The following GUCY1A1 variants were observed in gnomAD, a reference collection of about 807,000 sequenced individuals.
GUCY1A1 encodes guanylate cyclase soluble subunit alpha-1.
A neutral mutation model predicts 64.5 loss-of-function variants in GUCY1A1; 48 were observed. The observed-to-expected ratio is 0.74, with a 90% CI of 0.59 to 0.95. The LOEUF (loss-of-function observed/expected upper bound fraction) is 0.95. GUCY1A1 is among the 40% of genes least tolerant of loss of function. The pLI, the probability that GUCY1A1 is intolerant of heterozygous loss-of-function variation, is 0.00. For missense variants in GUCY1A1, 804 were observed against 825.3 expected, an observed-to-expected ratio of 0.97 and a Z score of 0.32; for synonymous variants, 308 against 303.4, an observed-to-expected ratio of 1.02 and a Z score of -0.16.
At chr4:155,689,916 TC>T (rs1729515871) in intron 2 of GUCY1A1, among the ~76,000 whole-genome samples, 1 of 152,106 alleles carries the variant, frequency 6.6e-6, no homozygotes, top group African/African-American at 2.4e-5. Context: ...AAGGTAAGCA[TC>T]CTCCTCTTTA....
At chr4:155,703,891 T>C in intron 3 of GUCY1A1, 41 bp from the exon 4 acceptor site, 1 of 1,249,392 alleles carries the variant, frequency 8.0e-7, no homozygotes, top group Non-Finnish European at 1.2e-6. Context: ...AACAAATTAT[T>C]ATATAAGGGA....
chr4:155,718,419 G>A lies in GUCY1A1; in HGVS notation c.1716+1117G>A, dbSNP rs114813469. Among the ~76,000 whole-genome samples the A allele has an allele frequency of 8.9e-3, 1,355 of 152,092 alleles. 9 individuals are homozygous for A. Among genetic ancestry groups the A allele is most frequent in the Non-Finnish European group, 0.015 (992 of 67,992 alleles). On this transcript the variant is annotated intron_variant, in intron 8 of 9. Coordinates refer to ENST00000506455, the MANE Select transcript of GUCY1A1 (RefSeq NM_001130682.3). ...TGCAACATACTTTTCTAAATTTAAT[G>A]GTATAAAATCACAAACTTTTATTAT...
chr4:155,719,160 G>C (rs1254462952), intron 8 of GUCY1A1, among the ~76,000 whole-genome samples: 1 of 152,082 alleles, frequency 6.6e-6, no homozygotes, highest in Admixed American at 6.6e-5. Flanking sequence ...TTCTAAGTTG[G>C]AAGAATTATT....
chr4:155,676,129 G>C (rs1734882868), intron 2 of GUCY1A1, among the ~76,000 whole-genome samples: 1 of 145,248 alleles, frequency 6.9e-6, no homozygotes, highest in African/African-American at 2.6e-5. Flanking sequence ...TCAAGAGCAT[G>C]ACACTTGGAC....
chr4:155,706,230 G>T (rs1391410807), intron 4 of GUCY1A1, among the ~76,000 whole-genome samples: 1 of 152,122 alleles, frequency 6.6e-6, no homozygotes, highest in African/African-American at 2.4e-5. Flanking sequence ...TTCTTGATGA[G>T]AACTATTCAG....
At chr4:155,708,149 T>C (rs1732050775) in intron 4 of GUCY1A1, 87 bp from the exon 5 acceptor site, 2 of 743,818 alleles carry the variant, frequency 2.7e-6, no homozygotes, top group Non-Finnish European at 4.6e-6. Flanking sequence ...ATTTAAACTA[T>C]TTTCTATCAT....
chr4:155,695,826 C>T (rs1730337212), intron 2 of GUCY1A1, among the ~76,000 whole-genome samples: 1 of 152,018 alleles, frequency 6.6e-6, no homozygotes, highest in African/African-American at 2.4e-5. Flanking sequence ...TTTTTCTTCC[C>T]CAAGAGTAGG....
chr4:155,728,000 G>A (rs1723058251), intron 9 of GUCY1A1, among the ~76,000 whole-genome samples: 1 of 151,814 alleles, frequency 6.6e-6, no homozygotes, highest in Non-Finnish European at 1.5e-5. Context: ...AGGAAAATGG[G>A]TAGAGAGAGG....
In GUCY1A1 at chr4:155,730,539, T is replaced by C. The variant is rs1456666678; in HGVS notation, c.*308T>C. The C allele has an allele frequency of 2.1e-5, 4 of 190,328 alleles. No individual in the cohort carries two copies. The highest frequency in any genetic ancestry group is 2.3e-5 in the African/African-American group (1 of 42,700). The allele number at this position is 190,328 out of a possible 1,614,324, so 11.8% of individuals were successfully genotyped here. ...ACATATATCAGATAATTGTAGTCAA[T>C]TGTACAAACTGATGGAGTCACCTGC... On this transcript the variant is annotated 3_prime_UTR_variant, in exon 10 of 10. Coordinates refer to ENST00000506455, the MANE Select transcript of GUCY1A1 (RefSeq NM_001130682.3).
At chr4:155,700,919 A>G (rs1264483772) in intron 3 of GUCY1A1, among the ~76,000 whole-genome samples, 1 of 152,234 alleles carries the variant, frequency 6.6e-6, no homozygotes. Flanking sequence ...GAAACCAAAA[A>G]TTAATATATA....
intron 2 of GUCY1A1, among the ~76,000 whole-genome samples, chr4:155,676,030 A>C (rs966959890): frequency 2.0e-5 from 3 of 151,556 alleles, no homozygotes; most frequent in Admixed American, 2.0e-4. Flanking sequence ...GGAGTCAATA[A>C]GATGCCTGTT....
chr4:155,721,804 TG>T (rs896566032), intron 8 of GUCY1A1, among the ~76,000 whole-genome samples: 4 of 152,180 alleles, frequency 2.6e-5, no homozygotes, highest in Non-Finnish European at 5.9e-5. Context: ...ACAATTAAGA[TG>T]GTTTGTGTAA....
At chr4:155,688,188 A>G (rs978274875) in intron 2 of GUCY1A1, among the ~76,000 whole-genome samples, 4 of 151,980 alleles carry the variant, frequency 2.6e-5, no homozygotes, top group South Asian at 2.1e-4. Context: ...AGATCGCACC[A>G]CTGCACTCCA....
chr4:155,709,600 G>A (rs913631028), intron 5 of GUCY1A1, among the ~76,000 whole-genome samples: 3 of 152,108 alleles, frequency 2.0e-5, no homozygotes, highest in African/African-American at 7.2e-5. Flanking sequence ...TTAGGAGGCC[G>A]AGGTGGGCAG....
rs1235659050 is a variant in GUCY1A1 at position 155,731,106 on chromosome 4, A to G, written c.*875A>G. 2.6e-5 allele frequency: 4 copies of G among 152,846 alleles called. No homozygotes were observed. The highest frequency in any genetic ancestry group is 5.9e-5 in the Non-Finnish European group (4 of 67,814). The allele number at this position is 152,846 out of a possible 1,614,324, so 9.5% of individuals were successfully genotyped here. A position where few individuals can be genotyped will look rare whatever the true frequency, so the allele number is the denominator to read the frequency against. On this transcript the variant is annotated 3_prime_UTR_variant, in exon 10 of 10. Coordinates refer to ENST00000506455, the MANE Select transcript of GUCY1A1 (RefSeq NM_001130682.3). Reference sequence around the variant, plus strand: ...CTGGAAGCAACATGGGAGTAAAGTAATCATCCAGGGGACCCACCATAAAGG... The same window carrying G: ...CTGGAAGCAACATGGGAGTAAAGTAGTCATCCAGGGGACCCACCATAAAGG...
At chr4:155,675,327 G>T (rs748813283) in intron 2 of GUCY1A1, among the ~76,000 whole-genome samples, 4 of 151,472 alleles carry the variant, frequency 2.6e-5, no homozygotes, top group Admixed American at 6.6e-5. Flanking sequence ...GTTATATCAA[G>T]ATCTTTAGCA....
At chr4:155,682,350 C>T (rs145602543) in intron 2 of GUCY1A1, among the ~76,000 whole-genome samples, 17 of 152,144 alleles carry the variant, frequency 1.1e-4, no homozygotes, top group Admixed American at 9.2e-4. Context: ...TTATTGTAGC[C>T]ATTAGCTATT....
chr4:155,736,860 A>C lies in GUCY1A1; in HGVS notation c.*6629A>C, dbSNP rs1018589637. On this transcript the variant is annotated 3_prime_UTR_variant, in exon 10 of 10. Transcript: ENST00000506455. ...ATAGCTATTGGACCCTGCATTGAAA[A>C]CCTTCTTAGTACTAACAACACTCCT... 1 of 151,662 alleles carries C rather than the reference A, an allele frequency of 6.6e-6. No individual in the cohort carries two copies. The highest frequency in any genetic ancestry group is 2.1e-4 in the South Asian group (1 of 4,800). The allele number at this position is 151,662 out of a possible 1,614,324, so 9.4% of individuals were successfully genotyped here. A position where few individuals can be genotyped will look rare whatever the true frequency, so the allele number is the denominator to read the frequency against.
At position 155,713,070 on chromosome 4, in the gene GUCY1A1, C is replaced by G. The variant is rs1317299982; in HGVS notation, c.1087-28C>G. 4 of 1,565,924 alleles carry G rather than the reference C, an allele frequency of 2.6e-6. No individual in the cohort carries two copies. The African/African-American group carries it at 5.4e-5, about 21-fold the overall frequency. The stretch of plus-strand genomic sequence containing the variant: ...GAAAGATGTGGGAAACTTGAATAAA[C>G]CACAATTGGTTATCCTTTCCTTCAT... On this transcript the variant is annotated intron_variant, in intron 6 of 9. Coordinates refer to ENST00000506455, the MANE Select transcript of GUCY1A1 (RefSeq NM_001130682.3).
Sources: allele counts gnomAD v4.1 joint callset (sites outside exome capture counted in the v4.1 genomes callset), GRCh38; gene constraint gnomAD v4.1.1; transcripts MANE v1.5; gene names NCBI Gene and HGNC (gene_info 2026-07-23, HGNC 2026-07-21).